The following TBXT variants were observed in gnomAD, a reference collection of about 807,000 sequenced individuals.
TBXT encodes the protein T-box transcription factor T.
Under a neutral mutation model 41.1 loss-of-function variants are expected in TBXT, and 19 were observed. The ratio of observed to expected loss-of-function variants is 0.46; its 90% confidence interval spans 0.32 to 0.68. The LOEUF is 0.68. TBXT is among the 30% of genes least tolerant of loss of function. TBXT has a pLI of 0.03. For synonymous variants in TBXT, 213 were observed against 238.9 expected, an observed-to-expected ratio of 0.89 and a Z score of 1.00; for missense variants, 536 against 582.0, an observed-to-expected ratio of 0.92 and a Z score of 0.81.
At chr6:166,168,366 G>A (rs1779211051), upstream of TBXT, 2 of 152,330 alleles carry the variant, frequency 1.3e-5, no homozygotes, top group Non-Finnish European at 2.9e-5. Context: ...CCCTCCCAGG[G>A]ACGAGCGCAT....
At chr6:166,166,546 G>A (rs1255937937) in intron 2 of TBXT, 46 bp downstream of exon 2, 2 of 1,612,128 alleles carry the variant, frequency 1.2e-6, no homozygotes, top group African/African-American at 1.3e-5. Flanking sequence ...GCGCAGCGCG[G>A]CCCCCTCCTC....
At chr6:166,167,352 G>C in intron 1 of TBXT, 34 bp downstream of exon 1, 1 of 1,610,236 alleles carries the variant, frequency 6.2e-7, no homozygotes, top group Non-Finnish European at 8.5e-7. Context: ...GCGCTGGAGA[G>C]CGCGGCGCGC....
At chr6:166,166,960 C>T (rs1779137036) in intron 1 of TBXT, 104 bp from the exon 2 acceptor site, 2 of 1,580,706 alleles carry the variant, frequency 1.3e-6, no homozygotes, top group African/African-American at 1.3e-5. Context: ...CACAGAGGAG[C>T]CCCCTGGGGA....
chr6:166,166,911 A>G, intron 1 of TBXT, 55 bp from the exon 2 acceptor site: 1 of 1,610,716 alleles, frequency 6.2e-7, no homozygotes, highest in Non-Finnish European at 8.5e-7. Flanking sequence ...GGTAGGCCGG[A>G]GGCAGAAGCT....
At chr6:166,167,355 C>G in intron 1 of TBXT, 31 bp downstream of exon 1, 2 of 1,610,376 alleles carry the variant, frequency 1.2e-6, no homozygotes, top group Non-Finnish European at 1.7e-6. Context: ...CTGGAGAGCG[C>G]GGCGCGCGCG....
upstream of TBXT, chr6:166,168,023 C>A: frequency 4.1e-6 from 1 of 245,282 alleles, no homozygotes; most frequent in Non-Finnish European, 8.0e-6. Flanking sequence ...CAACAATGGG[C>A]TCCCGCACGC....
rs754178278 is a variant in TBXT, at chr6:166,164,637, G to C, written c.698C>G (p.Pro233Arg). 76 of 1,613,790 alleles carry C rather than the reference G, an allele frequency of 4.7e-5. No individual in the cohort carries two copies. The highest frequency in any genetic ancestry group is 1.6e-4 in the Middle Eastern group (1 of 6,084). Residue 233 changes from proline (P) to arginine (R), a missense_variant, in exon 5 of 8, where the codon CCC becomes CGC. Coordinates refer to ENST00000366876, the MANE Select transcript of TBXT (RefSeq NM_001366285.2). ...GTACCCAGGTTGCTGGCTGTCTCCG[G>C]GTTCCTCCATCATCTCTTTGTGATC... Reference protein sequence around the residue: ...RSDHKEMMEEPGDSQQPGYSQ... With the variant: ...RSDHKEMMEERGDSQQPGYSQ...
At position 166,160,799 on chromosome 6, in the gene TBXT, C is replaced by T. The variant is rs199842267; in HGVS notation, c.1037+38G>A. 3.7e-4 allele frequency: 598 copies of T among 1,613,010 alleles called. 1 individual carries two copies. Among genetic ancestry groups the T allele is most frequent in the Non-Finnish European group, 4.5e-4 (529 of 1,179,284 alleles). The stretch of plus-strand genomic sequence containing the variant: ...ACAGCGTGAAGTCACAGGCAGAGCT[C>T]CCAGGATGCTTTGCACCAGGTCCTG... On this transcript the variant is annotated intron_variant, in intron 7 of 7. Transcript: ENST00000366876.
chr6:166,162,328 G>T, intron 6 of TBXT, 119 bp downstream of exon 6: 1 of 1,146,776 alleles, frequency 8.7e-7, no homozygotes, highest in Non-Finnish European at 1.3e-6. Flanking sequence ...CTGGGCTTGG[G>T]TATGTGTTCC....
At chr6:166,158,959 T>C (rs980232364) in intron 7 of TBXT, among the ~76,000 whole-genome samples, 11 of 152,184 alleles carry the variant, frequency 7.2e-5, no homozygotes, top group African/African-American at 2.4e-4. Context: ...GATCAGCTGA[T>C]GTCAGGAGTT....
rs537883499 is a variant in TBXT at position 166,158,406 on chromosome 6, G to A, written c.1220C>T (p.Ala407Val). 1.8e-5 allele frequency: 29 copies of A among 1,614,212 alleles called. No homozygotes were observed. The highest frequency in any genetic ancestry group is 6.7e-5 in the Admixed American group (4 of 60,036). Residue 407 changes from alanine (A) to valine (V), a missense_variant, in exon 8 of 8, where the codon GCG becomes GTG. Physicochemically the swap from Ala to Val is moderately conservative, Grantham distance 64. Transcript: ENST00000366876. ...SGSPLYEGAA[A>V]ATDIVDSQYD... ...CTGGCTGTCCACGATGTCTGTGGCC[G>A]CGGCCGCCCCTTCGTACAGTGGGGA... is the stretch of plus-strand genomic sequence containing the variant.
chr6:166,165,629 G>A, intron 3 of TBXT, 77 bp downstream of exon 3: 1 of 1,609,938 alleles, frequency 6.2e-7, no homozygotes, highest in Admixed American at 1.7e-5. Context: ...GCGTCTCCCC[G>A]CTCCTCCAGA....
At chr6:166,165,610 C>A (rs896775848) in intron 3 of TBXT, 96 bp downstream of exon 3, 13 of 1,593,122 alleles carry the variant, frequency 8.2e-6, no homozygotes, top group African/African-American at 1.3e-5. Flanking sequence ...CCTCTCAGTG[C>A]GGGTTAGCGC....
At chr6:166,161,715 G>A (rs1386345061) in intron 6 of TBXT, among the ~76,000 whole-genome samples, 1 of 152,138 alleles carries the variant, frequency 6.6e-6, no homozygotes, top group African/African-American at 2.4e-5. Flanking sequence ...GAGGTCAGAA[G>A]ATCGAGACCA....
intron 5 of TBXT, 106 bp downstream of exon 5, chr6:166,164,499 A>C: frequency 7.4e-7 from 1 of 1,352,408 alleles, no homozygotes; most frequent in Non-Finnish European, 1.1e-6. Context: ...CTTACATCCC[A>C]GGCACACCCA....
Position 166,158,126 on chromosome 6 carries a change from G to A in TBXT, c.*189C>T. On this transcript the variant is annotated 3_prime_UTR_variant, in exon 8 of 8. Coordinates refer to ENST00000366876, the MANE Select transcript of TBXT (RefSeq NM_001366285.2). ...GGGACAGCACCGCTACTGCAGGTGT[G>A]AGCAAGGGATGCTGGGGCTCTGGGG... is the stretch of plus-strand genomic sequence containing the variant. 1 of 864,714 alleles carries A rather than the reference G, an allele frequency of 1.2e-6. No homozygotes were observed. The highest frequency in any genetic ancestry group is 1.8e-6 in the Non-Finnish European group (1 of 548,698). 53.6% of individuals were successfully genotyped at this position (864,714 alleles called of 1,614,324 possible). A position where few individuals can be genotyped will look rare whatever the true frequency, so the allele number is the denominator to read the frequency against.
At chr6:166,167,163 G>T (rs1267351252) in intron 1 of TBXT, among the ~76,000 whole-genome samples, 1 of 152,256 alleles carries the variant, frequency 6.6e-6, no homozygotes, top group East Asian at 1.9e-4. Context: ...TGCCTCCGAG[G>T]TCGGGACACC....
Position 166,166,838 on chromosome 6 carries a change from C to T in TBXT, c.225G>A (p.Leu75=). ...GGTCCAGGCCAGACACGTTCACCTT[C>T]AGCACCGGAAACATCCTCCTGGAAA... The part of the protein sequence containing the change: ...TKNGRRMFPV[L]KVNVSGLDPN... The change falls in exon 2 of 8, where the codon CTG becomes CTA. Residue 75 remains leucine (L), a synonymous_variant. Transcript: ENST00000366876. 5.6e-6 allele frequency: 9 copies of T among 1,613,832 alleles called. No homozygotes were observed. Among genetic ancestry groups the T allele is most frequent in the Non-Finnish European group, 7.6e-6 (9 of 1,180,058 alleles).
chr6:166,163,332 G>T (rs1330809345), intron 5 of TBXT, among the ~76,000 whole-genome samples: 4 of 152,046 alleles, frequency 2.6e-5, no homozygotes, highest in African/African-American at 4.8e-5. Context: ...GAATCAGAAA[G>T]TTCTTCCAAG....
Sources: allele counts gnomAD v4.1 joint callset (sites outside exome capture counted in the v4.1 genomes callset), GRCh38; gene constraint gnomAD v4.1.1; transcripts MANE v1.5; gene names NCBI Gene and HGNC (gene_info 2026-07-23, HGNC 2026-07-21).